The following KHSRP variants were observed in gnomAD, a reference collection of about 807,000 sequenced individuals.
The protein encoded by KHSRP is KH-type splicing regulatory protein.
In KHSRP, 13 loss-of-function variants were observed where a neutral mutation model predicts 94.9. The ratio of observed to expected loss-of-function variants is 0.14; its 90% confidence interval spans 0.09 to 0.22. The LOEUF (loss-of-function observed/expected upper bound fraction) is 0.22, where lower values mean the gene tolerates loss of function less well. KHSRP is among the 10% of genes least tolerant of loss of function. The pLI is 1.00. For missense variants in KHSRP, 710 were observed against 1,010.0 expected (o/e 0.70, Z 4.03); for synonymous variants, 495 against 401.4 (o/e 1.23, Z -2.79).
At position 6,414,945 on chromosome 19, in the gene KHSRP, T is replaced by G; in HGVS notation, c.*79A>C. On this transcript the variant is annotated 3_prime_UTR_variant, in exon 19 of 19. Coordinates refer to ENST00000600480, the MANE Select transcript of KHSRP (RefSeq NM_001366299.1). ...CGCAGGGAGGCCTCTTCGTTTAACCTCTGGACCCAGCGAATGCTTCCCTGG... is the reference window on the plus strand; with the variant it reads ...CGCAGGGAGGCCTCTTCGTTTAACCGCTGGACCCAGCGAATGCTTCCCTGG... 1 of 1,432,440 alleles carries G rather than the reference T, an allele frequency of 7.0e-7. No homozygotes were observed. Among genetic ancestry groups the G allele is most frequent in the East Asian group, 2.5e-5 (1 of 39,770 alleles). The allele number at this position is 1,432,440 out of a possible 1,614,324, so 88.7% of individuals were successfully genotyped here.
At position 6,414,918 on chromosome 19, in the gene KHSRP, G is replaced by GGC; in HGVS notation, c.*104_*105dup. 2.1e-6 allele frequency: 3 copies of GGC among 1,395,512 alleles called. No individual in the cohort carries two copies. Among genetic ancestry groups the GGC allele is most frequent in the Non-Finnish European group, 2.8e-6 (3 of 1,080,294 alleles). 86.4% of individuals were successfully genotyped at this position (1,395,512 alleles called of 1,614,324 possible). ...CAGCGGCACACAGGAACAAGCAGCC[G>GGC]GCGCAGGGAGGCCTCTTCGTTTAAC... On this transcript the variant is annotated 3_prime_UTR_variant, in exon 19 of 19. Coordinates refer to ENST00000600480, the MANE Select transcript of KHSRP (RefSeq NM_001366299.1).
Position 6,418,004 on chromosome 19 carries a change from A to G in KHSRP, c.955T>C (p.Ser319Pro), listed in dbSNP as rs1254841626. The change falls in exon 10 of 19, where the codon TCT becomes CCT. Residue 319 changes from serine (S) to proline (P), a missense_variant. Ser to Pro is a moderately conservative substitution (Grantham distance 74, BLOSUM62 -1). This residue lies in a region of KHSRP where 288 missense variants were observed against 501.1 expected (regional missense o/e 0.57). Coordinates refer to ENST00000600480, the MANE Select transcript of KHSRP (RefSeq NM_001366299.1). The surrounding 1 kb of genome is among the most constrained non-coding windows in gnomAD (Gnocchi z 4.3). ...GGFGDRNEYG[S>P]RIGGGIDVPV... Reference sequence around the variant, plus strand: ...ACATCGATGCCTCCGCCAATCCGAGATCCGTACTCATTCCGGTCCCCAAAG... The same window carrying G: ...ACATCGATGCCTCCGCCAATCCGAGGTCCGTACTCATTCCGGTCCCCAAAG... The G allele has an allele frequency of 6.2e-7, 1 of 1,613,872 alleles. No homozygotes were observed. Among genetic ancestry groups the G allele is most frequent in the Non-Finnish European group, 8.5e-7 (1 of 1,179,850 alleles).
chr19:6,416,214 G>A, intron 15 of KHSRP, 84 bp downstream of exon 15: 6 of 1,176,390 alleles, frequency 5.1e-6, no homozygotes, highest in Non-Finnish European at 7.2e-6. Context: ...TGCACTTCTA[G>A]GGAAAGGGAA....
In KHSRP at chr19:6,413,725, C is replaced by G. The variant is rs779363674; in HGVS notation, c.*1299G>C. ...ATGAATTGCTTTATCCTCAGAGAGG[C>G]AGGTTCAGGAAGGCTGGGGGGTGAA... On this transcript the variant is annotated 3_prime_UTR_variant, in exon 19 of 19. Transcript: ENST00000600480. 2.2e-3 allele frequency: 337 copies of G among 152,858 alleles called. No individual in the cohort carries two copies. Among genetic ancestry groups the G allele is most frequent in the Non-Finnish European group, 3.0e-3 (209 of 69,130 alleles). 9.5% of individuals were successfully genotyped at this position (152,858 alleles called of 1,614,324 possible).
chr19:6,416,984 T>C lies in KHSRP; in HGVS notation c.1182+3A>G. 6.2e-7 allele frequency: 1 copy of C among 1,613,640 alleles called. No homozygotes were observed. The highest frequency in any genetic ancestry group is 1.1e-5 in the South Asian group (1 of 91,066). ...AGCCCCTTCAGCACCCGGGGCCACC[T>C]ACCCTGAGGCTCTGGAGGAGGTCGT... is the stretch of plus-strand genomic sequence containing the variant. On this transcript the variant is annotated splice_donor_region_variant and intron_variant, in intron 12 of 18. Transcript: ENST00000600480.
At chr19:6,417,319 C>A (rs995571703) in intron 11 of KHSRP, among the ~76,000 whole-genome samples, 3 of 152,318 alleles carry the variant, frequency 2.0e-5, no homozygotes, top group Admixed American at 6.5e-5. Flanking sequence ...GCACACAGCA[C>A]CCCCAGCACT....
At chr19:6,419,378 G>C (rs1446984821) in intron 6 of KHSRP, 118 bp from the exon 7 acceptor site, 1 of 868,606 alleles carries the variant, frequency 1.2e-6, no homozygotes, top group Non-Finnish European at 1.7e-6. Context: ...TTCAGTGCCT[G>C]ACAGATCAGT....
In KHSRP at chr19:6,414,260, A is replaced by T. The variant is rs1568340094; in HGVS notation, c.*764T>A. 2 of 1,467,756 alleles carry T rather than the reference A, an allele frequency of 1.4e-6. No homozygotes were observed. Among genetic ancestry groups the T allele is most frequent in the Non-Finnish European group, 1.8e-6 (2 of 1,106,802 alleles). The allele number at this position is 1,467,756 out of a possible 1,614,324, so 90.9% of individuals were successfully genotyped here. A position where few individuals can be genotyped will look rare whatever the true frequency, so the allele number is the denominator to read the frequency against. ...CCAAACCTGCGCTGGCTCAGGCTGGAAGGACGTGCTTGTTAACTGTCTAGC... is the reference window on the plus strand; with the variant it reads ...CCAAACCTGCGCTGGCTCAGGCTGGTAGGACGTGCTTGTTAACTGTCTAGC... On this transcript the variant is annotated 3_prime_UTR_variant, in exon 19 of 19. Coordinates refer to ENST00000600480, the MANE Select transcript of KHSRP (RefSeq NM_001366299.1).
chr19:6,417,908 C>T, intron 10 of KHSRP, 67 bp from the exon 11 acceptor site: 1 of 1,602,964 alleles, frequency 6.2e-7, no homozygotes. Context: ...CCACTGGCCA[C>T]AAGGAGCCAC....
chr19:6,423,648 G>C (rs993770524), intron 1 of KHSRP, among the ~76,000 whole-genome samples: 2 of 152,194 alleles, frequency 1.3e-5, no homozygotes, highest in Non-Finnish European at 2.9e-5. Flanking sequence ...TTCACTTAAC[G>C]GGACCTCCCA....
At chr19:6,421,548 C>T in intron 3 of KHSRP, 102 bp downstream of exon 3, 2 of 1,319,008 alleles carry the variant, frequency 1.5e-6, no homozygotes, top group Non-Finnish European at 2.2e-6. Flanking sequence ...CACCAGGGGC[C>T]TCTGTAAAGA....
In KHSRP at chr19:6,418,373, A is replaced by G. The variant is rs2092169435; in HGVS notation, c.879+110T>C. On this transcript the variant is annotated intron_variant, in intron 9 of 18. Transcript: ENST00000600480. The surrounding 1 kb of genome is among the most constrained non-coding windows in gnomAD (Gnocchi z 4.3). ...CTCTTGCAAGCCTCTTGGTGTTATGACCGACTGTTCACATATCTCTCTGGC... is the reference window on the plus strand; with the variant it reads ...CTCTTGCAAGCCTCTTGGTGTTATGGCCGACTGTTCACATATCTCTCTGGC... 2 of 793,196 alleles carry G rather than the reference A, an allele frequency of 2.5e-6. No homozygotes were observed. Among genetic ancestry groups the G allele is most frequent in the African/African-American group, 3.4e-5 (2 of 58,410 alleles). The allele number at this position is 793,196 out of a possible 1,614,324, so 49.1% of individuals were successfully genotyped here.
Position 6,421,267 on chromosome 19 carries a change from C to T in KHSRP, c.425+11G>A, listed in dbSNP as rs774683638. 1.3e-6 allele frequency: 2 copies of T among 1,581,726 alleles called. No individual in the cohort carries two copies. The highest frequency in any genetic ancestry group is 1.7e-6 in the Non-Finnish European group (2 of 1,164,248). ...AGACAAGAAAGCAGTGTGGGCCCCA[C>T]CATGGCTTACCTTGGGGGAGGATGG... On this transcript the variant is annotated intron_variant, in intron 4 of 18. Coordinates refer to ENST00000600480, the MANE Select transcript of KHSRP (RefSeq NM_001366299.1).
intron 6 of KHSRP, among the ~76,000 whole-genome samples, chr19:6,419,643 G>A (rs933521146): frequency 3.9e-5 from 6 of 152,188 alleles, no homozygotes; most frequent in Admixed American, 3.3e-4. Flanking sequence ...TCTGAGATTC[G>A]AAAGGTAACT....
At chr19:6,416,122 T>C (rs1055913438) in intron 15 of KHSRP, among the ~76,000 whole-genome samples, 176 bp downstream of exon 15, 5 of 152,136 alleles carry the variant, frequency 3.3e-5, no homozygotes, top group Non-Finnish European at 7.4e-5. Flanking sequence ...AGAGGGATGC[T>C]GAAAGGCACA....
In KHSRP at chr19:6,422,398, C is replaced by T. The variant is rs765754406; in HGVS notation, c.288G>A (p.Val96=). ...AKIGGDAATT[V]NNSTPDFGFG... ...AACCAAAATCAGGAGTGCTGTTATT[C>T]ACTGTCGTGGCAGCATCGCCTCCAA... The change falls in exon 2 of 19, where the codon GTG becomes GTA. Residue 96 remains valine, a synonymous_variant. Coordinates refer to ENST00000600480, the MANE Select transcript of KHSRP (RefSeq NM_001366299.1). 10 of 1,613,864 alleles carry T rather than the reference C, an allele frequency of 6.2e-6. No individual in the cohort carries two copies. In the Admixed American group the frequency reaches 1.7e-4, roughly 27 times the overall value.
intron 4 of KHSRP, 172 bp downstream of exon 4, chr19:6,421,106 G>A (rs1050971586): frequency 2.5e-5 from 16 of 642,264 alleles, no homozygotes; most frequent in Admixed American, 5.8e-5. Flanking sequence ...CAAGGGGTAC[G>A]AGGAACGGAC....
chr19:6,416,538 T>G lies in KHSRP; in HGVS notation c.1440A>C (p.Ser480=). 6.2e-7 allele frequency: 1 copy of G among 1,613,764 alleles called. No individual in the cohort carries two copies. The highest frequency in any genetic ancestry group is 1.1e-5 in the South Asian group (1 of 91,070). Residue 480 remains serine (S), a synonymous_variant, in exon 14 of 19, where the codon TCA becomes TCC. Transcript: ENST00000600480. Reference sequence around the variant, plus strand: ...GCTTGGCGTGGTCAATCTGCTGGGGTGAACCCCGGATGATGAACAACTTGA... The same window carrying G: ...GCTTGGCGTGGTCAATCTGCTGGGGGGAACCCCGGATGATGAACAACTTGA... ...PNFKLFIIRG[S]PQQIDHAKQL... is the part of the protein sequence containing the mutation.
intron 1 of KHSRP, 33 bp downstream of exon 1, chr19:6,424,420 C>CGG (rs1399461094): frequency 1.0e-6 from 1 of 982,936 alleles, no homozygotes; most frequent in African/African-American, 1.8e-5. Context: ...CGCGCGCGCG[C>CGG]GAGCGCGCCC....
Sources: gnomAD v4.1 joint callset for allele counts (sites outside exome capture counted in the v4.1 genomes callset) on GRCh38, gnomAD v4.1.1 for gene constraint, gnomAD v4.1.1 regional missense constraint, Gnocchi (gnomAD v3.1) non-coding constraint, MANE v1.5 for transcripts, NCBI Gene and HGNC (gene_info 2026-07-23, HGNC 2026-07-21) for gene names.